Variants in DPF3 observed in about 807,000 individuals in gnomAD.
The protein encoded by DPF3 is zinc finger protein DPF3.
A neutral mutation model predicts 56.8 loss-of-function variants in DPF3; 18 were observed. The observed-to-expected ratio is 0.32, with a 90% CI of 0.22 to 0.47. The LOEUF is 0.47. Among genes scored for constraint, DPF3 ranks in the 20% least tolerant of loss-of-function variants. The pLI is 1.00. For missense variants in DPF3, 403 were observed against 488.8 expected, an observed-to-expected ratio of 0.82 and a Z score of 1.65; for synonymous variants, 188 against 180.2, an observed-to-expected ratio of 1.04 and a Z score of -0.35.
At chr14:72,786,880 T>G (rs1381575097) in intron 1 of DPF3, among the ~76,000 whole-genome samples, 1 of 152,220 alleles carries the variant, frequency 6.6e-6, no homozygotes, top group Non-Finnish European at 1.5e-5. Context: ...TAGCCTCCCT[T>G]GAAAGCCCTG....
At chr14:72,693,264 TGCAGCCA>T in intron 6 of DPF3, 51 bp from the exon 7 acceptor site, 1 of 1,582,438 alleles carries the variant, frequency 6.3e-7, no homozygotes, top group Non-Finnish European at 8.6e-7. Flanking sequence ...TAGCAACCTG[TGCAGCCA>T]CCGCTATCAT....
intron 8 of DPF3, among the ~76,000 whole-genome samples, chr14:72,630,277 C>A (rs1389107430): frequency 6.6e-6 from 1 of 152,170 alleles, no homozygotes. Flanking sequence ...AGTATCCATG[C>A]CCACACTCAT....
intron 1 of DPF3, among the ~76,000 whole-genome samples, chr14:72,878,278 C>G (rs1307454513): frequency 1.3e-5 from 2 of 152,184 alleles, no homozygotes; most frequent in African/African-American, 4.8e-5. Context: ...GCTGGTATCT[C>G]TATCTCTCTC....
intron 1 of DPF3, among the ~76,000 whole-genome samples, chr14:72,867,421 C>T (rs1567263788): frequency 6.6e-6 from 1 of 152,078 alleles, no homozygotes; most frequent in Non-Finnish European, 1.5e-5. Context: ...AAGGTGGTTC[C>T]TAGATCTATT....
At chr14:72,720,018 C>T (rs1375910357) in intron 5 of DPF3, among the ~76,000 whole-genome samples, 3 of 151,852 alleles carry the variant, frequency 2.0e-5, no homozygotes, top group Non-Finnish European at 2.9e-5. Flanking sequence ...CTCTAATTCT[C>T]ATTAATCTAG....
At chr14:72,721,671 T>C (rs1303900771) in intron 5 of DPF3, among the ~76,000 whole-genome samples, 2 of 152,094 alleles carry the variant, frequency 1.3e-5, no homozygotes, top group Non-Finnish European at 2.9e-5. Context: ...GCCCCTGATG[T>C]GATACGAGAA....
intron 1 of DPF3, among the ~76,000 whole-genome samples, chr14:72,822,101 AGGCTGGGCGCAGT>A (rs1883572852): frequency 6.6e-6 from 1 of 152,238 alleles, no homozygotes; most frequent in African/African-American, 2.4e-5. Context: ...TCTATGTCCT[AGGCTGGGCGCAGT>A]GGCTTGTAAT....
chr14:72,858,603 T>A (rs1885262316), intron 1 of DPF3, among the ~76,000 whole-genome samples: 1 of 152,186 alleles, frequency 6.6e-6, no homozygotes. Context: ...GGGGAATGTA[T>A]AAACAAAACT....
At position 72,710,616 on chromosome 14, in the gene DPF3, G is replaced by C. The variant is rs562051591; in HGVS notation, c.604+3807C>G. Among the ~76,000 whole-genome samples the C allele has an allele frequency of 1.1e-4, 16 of 152,340 alleles. No homozygotes were observed. The East Asian group carries it at 3.1e-3, about 29-fold the overall frequency. On this transcript the variant is annotated intron_variant, in intron 6 of 10. Transcript: ENST00000556509. The stretch of plus-strand genomic sequence containing the variant: ...CTTCCCTCCAGTGATTCTGATACCG[G>C]AGGTCTGATGTGGAGCCCAGGAGTC...
chr14:72,886,799 C>G (rs1311189701), intron 1 of DPF3, among the ~76,000 whole-genome samples: 2 of 152,164 alleles, frequency 1.3e-5, no homozygotes, highest in Admixed American at 1.3e-4. Context: ...CCACTGAAAT[C>G]TGAGATGTTC....
intron 3 of DPF3, among the ~76,000 whole-genome samples, chr14:72,746,815 G>A (rs1890342153): frequency 6.6e-6 from 1 of 152,234 alleles, no homozygotes; most frequent in Non-Finnish European, 1.5e-5. Flanking sequence ...CCTCTCAAAT[G>A]ATCACAGATA....
At chr14:72,794,874 C>A (rs935422381) in intron 1 of DPF3, among the ~76,000 whole-genome samples, 7 of 152,116 alleles carry the variant, frequency 4.6e-5, no homozygotes. Context: ...TTGACTTTTC[C>A]AGTTTCCAGC....
At chr14:72,769,980 A>G (rs1891454508) in intron 2 of DPF3, among the ~76,000 whole-genome samples, 1 of 152,168 alleles carries the variant, frequency 6.6e-6, no homozygotes. Flanking sequence ...TAATGAGGGA[A>G]TGTTTTTCTT....
At chr14:72,886,164 G>C (rs1380293314) in intron 1 of DPF3, among the ~76,000 whole-genome samples, 1 of 152,184 alleles carries the variant, frequency 6.6e-6, no homozygotes, top group Non-Finnish European at 1.5e-5. Flanking sequence ...CTGAGGTCAG[G>C]AGTTCGAGAC....
chr14:72,629,726 G>A lies in DPF3; in HGVS notation c.882C>T (p.Thr294=). The stretch of plus-strand genomic sequence containing the variant: ...TCATGTTCAGGGTAAACTGCAGGCA[G>A]GTTGGGTGACCTGGAGGAAGCCAGA... ...CADCGRSGHP[T]CLQFTLNMTE... Residue 294 remains threonine (T), a synonymous_variant, in exon 9 of 11, where the codon ACC becomes ACT. Transcript: ENST00000556509. 1 of 1,536,086 alleles carries A rather than the reference G, an allele frequency of 6.5e-7. No individual in the cohort carries two copies.
At chr14:72,784,998 A>G (rs889703978) in intron 1 of DPF3, among the ~76,000 whole-genome samples, 1 of 151,924 alleles carries the variant, frequency 6.6e-6, no homozygotes, top group Admixed American at 6.6e-5. Context: ...ATGAAAATAA[A>G]GAAAAGGCCA....
At chr14:72,696,018 T>C (rs1887885937) in intron 6 of DPF3, among the ~76,000 whole-genome samples, 1 of 152,206 alleles carries the variant, frequency 6.6e-6, no homozygotes, top group South Asian at 2.1e-4. Context: ...GCACTCTGGA[T>C]CTGCTTGTGG....
intron 8 of DPF3, among the ~76,000 whole-genome samples, chr14:72,652,881 G>A (rs1885957654): frequency 6.6e-6 from 1 of 152,176 alleles, no homozygotes; most frequent in African/African-American, 2.4e-5. Flanking sequence ...CCCAGGTGCT[G>A]TATAGATGAT....
rs994759 is a variant in DPF3 at position 72,629,906 on chromosome 14, A to T, written c.872-170T>A. On this transcript the variant is annotated intron_variant, in intron 8 of 10. Coordinates refer to ENST00000556509, the MANE Select transcript of DPF3 (RefSeq NM_001280542.3). ...GCCCTACCCACATTCTTCACCACCC[A>T]GTTATTCAGATCAAGGGCAAAACAG... 2.0e-5 allele frequency among the ~76,000 whole-genome samples: 3 copies of T among 152,068 alleles called. No homozygotes were observed. In the South Asian group the frequency reaches 6.2e-4, roughly 32 times the overall value.
Sources: gnomAD v4.1 joint callset for allele counts (sites outside exome capture counted in the v4.1 genomes callset) on GRCh38, gnomAD v4.1.1 for gene constraint, MANE v1.5 for transcripts, NCBI Gene and HGNC (gene_info 2026-07-23, HGNC 2026-07-21) for gene names.